Variants in ANKRD12 observed in about 807,000 individuals in gnomAD.
The protein encoded by ANKRD12 is ankyrin repeat domain-containing protein 12.
A neutral mutation model predicts 183.4 loss-of-function variants in ANKRD12; 85 were observed. The observed-to-expected ratio is 0.46, with a 90% CI of 0.39 to 0.56. ANKRD12 has a LOEUF of 0.56. ANKRD12 is among the 20% of genes least tolerant of loss of function. ANKRD12 has a pLI of 0.00. For synonymous variants in ANKRD12, 914 were observed against 800.2 expected, an observed-to-expected ratio of 1.14 and a Z score of -2.40; for missense variants, 2,405 against 2,357.1, an observed-to-expected ratio of 1.02 and a Z score of -0.42.
At chr18:9,172,582 G>A (rs886307315) in intron 1 of ANKRD12, among the ~76,000 whole-genome samples, 12 of 152,160 alleles carry the variant, frequency 7.9e-5, no homozygotes, top group African/African-American at 2.7e-4. Flanking sequence ...GGTCAGTTAT[G>A]CTCCTCTCTA....
intron 8 of ANKRD12, among the ~76,000 whole-genome samples, chr18:9,222,760 A>G (rs1025887195): frequency 6.6e-6 from 1 of 152,212 alleles, no homozygotes; most frequent in Non-Finnish European, 1.5e-5. Flanking sequence ...GTTTTGAGGC[A>G]GAAAGTTCTA....
At chr18:9,238,814 C>T (rs776532871) in intron 8 of ANKRD12, among the ~76,000 whole-genome samples, 7 of 152,104 alleles carry the variant, frequency 4.6e-5, no homozygotes, top group Admixed American at 6.5e-5. Flanking sequence ...GCATTAACTT[C>T]GGTGAGAAAG....
At chr18:9,234,770 G>T (rs905155646) in intron 8 of ANKRD12, among the ~76,000 whole-genome samples, 2 of 152,142 alleles carry the variant, frequency 1.3e-5, no homozygotes, top group African/African-American at 4.8e-5. Context: ...TTCCCTGTCT[G>T]GTGCAATGCT....
rs573724573 is a variant in ANKRD12 at position 9,267,737 on chromosome 18, C to G, written c.5763+3849C>G. 2.0e-5 allele frequency among the ~76,000 whole-genome samples: 3 copies of G among 152,180 alleles called. No individual in the cohort carries two copies. The South Asian group carries it at 6.2e-4, about 32-fold the overall frequency. On this transcript the variant is annotated intron_variant, in intron 10 of 12. Transcript: ENST00000262126. Reference sequence around the variant, plus strand: ...CTAGAGAAGCAAGAGCAAACACATTCAAAAGGTAGCAGAAGGCAAGAAATA... The same window carrying G: ...CTAGAGAAGCAAGAGCAAACACATTGAAAAGGTAGCAGAAGGCAAGAAATA...
Position 9,257,350 on chromosome 18 carries a change from T to C in ANKRD12, c.4083T>C (p.Asn1361=), listed in dbSNP as rs1268631921. ...FSNVPERDLS[N]VSNIHSSFAT... is the part of the protein sequence containing the mutation. ...ATGTGCCTGAAAGAGACCTTTCAAA[T>C]GTATCTAACATACATTCCAGTTTTG... Residue 1361 remains asparagine (N), a synonymous_variant, in exon 9 of 13, where the codon AAT becomes AAC. Coordinates refer to ENST00000262126, the MANE Select transcript of ANKRD12 (RefSeq NM_015208.5). 1 of 1,614,022 alleles carries C rather than the reference T, an allele frequency of 6.2e-7. No individual in the cohort carries two copies. Among genetic ancestry groups the C allele is most frequent in the Non-Finnish European group, 8.5e-7 (1 of 1,180,004 alleles).
rs1009195921 is a variant in ANKRD12 at position 9,284,545 on chromosome 18, G to A, written c.*3419G>A. 2.0e-5 allele frequency: 3 copies of A among 152,030 alleles called. No homozygotes were observed. The highest frequency in any genetic ancestry group is 2.0e-4 in the Admixed American group (3 of 15,256). 9.4% of individuals were successfully genotyped at this position (152,030 alleles called of 1,614,324 possible). On this transcript the variant is annotated 3_prime_UTR_variant, in exon 13 of 13. Coordinates refer to ENST00000262126, the MANE Select transcript of ANKRD12 (RefSeq NM_015208.5). Reference sequence around the variant, plus strand: ...TGTAAAAATTATTTTTAAATATTTAGGGCAAAATTTTTGTTAGATAATAAT... The same window carrying A: ...TGTAAAAATTATTTTTAAATATTTAAGGCAAAATTTTTGTTAGATAATAAT...
chr18:9,150,822 T>G (rs2078661156), intron 1 of ANKRD12, among the ~76,000 whole-genome samples: 1 of 151,934 alleles, frequency 6.6e-6, no homozygotes, highest in Non-Finnish European at 1.5e-5. Context: ...CCTGGCTAAT[T>G]TTTTGTATTT....
chr18:9,246,245 C>T (rs2037956140), intron 8 of ANKRD12, among the ~76,000 whole-genome samples: 1 of 152,176 alleles, frequency 6.6e-6, no homozygotes, highest in Non-Finnish European at 1.5e-5. Context: ...CCCCTGTTTA[C>T]TATCTCCACT....
rs774734065 is a variant in ANKRD12 at position 9,257,581 on chromosome 18, T to C, written c.4314T>C (p.Asn1438=). The C allele has an allele frequency of 3.1e-6, 5 of 1,614,096 alleles. No homozygotes were observed. The highest frequency in any genetic ancestry group is 4.2e-6 in the Non-Finnish European group (5 of 1,179,980). ...GCACCAGAGACTTTATCTGCCCAAA[T>C]TCTAACATACCTGATCAAGAATCCT... ...TLSTRDFICP[N]SNIPDQESSL... is the part of the protein sequence containing the mutation. The change falls in exon 9 of 13, where the codon AAT becomes AAC. Residue 1438 remains asparagine (N), a synonymous_variant. Transcript: ENST00000262126.
chr18:9,168,325 T>C (rs2032308302), intron 1 of ANKRD12, among the ~76,000 whole-genome samples: 1 of 152,222 alleles, frequency 6.6e-6, no homozygotes, highest in Admixed American at 6.5e-5. Flanking sequence ...TCTGGTAGAA[T>C]TCGGCTGTGA....
At chr18:9,186,963 G>A (rs2034121864) in intron 2 of ANKRD12, among the ~76,000 whole-genome samples, 1 of 151,962 alleles carries the variant, frequency 6.6e-6, no homozygotes, top group Admixed American at 6.6e-5. Flanking sequence ...GTGTTAGCCA[G>A]GATGGTCTCG....
intron 1 of ANKRD12, among the ~76,000 whole-genome samples, chr18:9,143,586 G>A (rs532606610): frequency 4.6e-5 from 7 of 152,040 alleles, no homozygotes; most frequent in Admixed American, 1.3e-4. Context: ...CCAGCTCCCC[G>A]AGGAGCTGGG....
chr18:9,274,388 A>G (rs769622205), intron 10 of ANKRD12, among the ~76,000 whole-genome samples: 3 of 152,262 alleles, frequency 2.0e-5, no homozygotes. Flanking sequence ...GATGCATGCT[A>G]CAACATGGAT....
intron 8 of ANKRD12, among the ~76,000 whole-genome samples, chr18:9,238,376 TTTCTC>T (rs1198566893): frequency 1.3e-5 from 2 of 152,192 alleles, no homozygotes; most frequent in Non-Finnish European, 2.9e-5. Flanking sequence ...ATCTCAGACA[TTTCTC>T]TTAAGCTTCA....
intron 9 of ANKRD12, among the ~76,000 whole-genome samples, chr18:9,262,643 T>C (rs1268749688): frequency 2.0e-5 from 3 of 151,840 alleles, no homozygotes; most frequent in African/African-American, 7.2e-5. Flanking sequence ...AATTTTTTTT[T>C]TGAGATGGGG....
chr18:9,221,785 CAAGAG>C (rs1435234201), intron 7 of ANKRD12, 62 bp from the exon 8 acceptor site: 18 of 1,516,368 alleles, frequency 1.2e-5, no homozygotes, highest in African/African-American at 4.2e-5. Context: ...TGAGTATTAT[CAAGAG>C]AATGGGTGCA....
At chr18:9,149,663 T>G (rs897736160) in intron 1 of ANKRD12, among the ~76,000 whole-genome samples, 2 of 152,194 alleles carry the variant, frequency 1.3e-5, no homozygotes, top group African/African-American at 4.8e-5. Context: ...TGTTTATTAT[T>G]TCAGGCAATT....
chr18:9,253,383 A>G (rs1393541172), intron 8 of ANKRD12, among the ~76,000 whole-genome samples: 3 of 152,112 alleles, frequency 2.0e-5, no homozygotes, highest in African/African-American at 7.2e-5. Context: ...TCATTCTACT[A>G]TTTCCATGAG....
chr18:9,224,169 A>C (rs1475847914), intron 8 of ANKRD12, among the ~76,000 whole-genome samples: 1 of 152,268 alleles, frequency 6.6e-6, no homozygotes, highest in African/African-American at 2.4e-5. Flanking sequence ...CTGATGAGTA[A>C]GAAAATGGAT....
Sources: gnomAD v4.1 joint callset for allele counts (sites outside exome capture counted in the v4.1 genomes callset) on GRCh38, gnomAD v4.1.1 for gene constraint, MANE v1.5 for transcripts, NCBI Gene and HGNC (gene_info 2026-07-23, HGNC 2026-07-21) for gene names.